The following DLGAP2 variants were observed in gnomAD, a reference collection of about 807,000 sequenced individuals.
DLGAP2 encodes disks large-associated protein 2.
Under a neutral mutation model 100.3 loss-of-function variants are expected in DLGAP2, and 26 were observed. The observed-to-expected ratio is 0.26, with a 90% CI of 0.19 to 0.36. The LOEUF (loss-of-function observed/expected upper bound fraction) is 0.36. DLGAP2 is among the 10% of genes least tolerant of loss of function. The pLI, the probability that DLGAP2 is intolerant of heterozygous loss-of-function variation, is 1.00. For missense variants in DLGAP2, 1,858 were observed against 1,453.2 expected (o/e 1.28, Z -4.53); for synonymous variants, 886 against 630.1 (o/e 1.41, Z -6.08).
intron 1 of DLGAP2, among the ~76,000 whole-genome samples, chr8:794,660 C>T (rs542647859): frequency 2.6e-5 from 4 of 152,226 alleles, no homozygotes; most frequent in African/African-American, 4.8e-5. Flanking sequence ...AAACCCACAA[C>T]CTTCCAGCTT....
chr8:1,210,599 T>C (rs1220298605), intron 2 of DLGAP2, among the ~76,000 whole-genome samples: 1 of 152,182 alleles, frequency 6.6e-6, no homozygotes, highest in Non-Finnish European at 1.5e-5. Context: ...AGGTGGGGTA[T>C]GGCATGGAGG....
chr8:869,123 ACG>A (rs1797551920), intron 1 of DLGAP2, among the ~76,000 whole-genome samples: 1 of 151,920 alleles, frequency 6.6e-6, no homozygotes. Flanking sequence ...ACCCTGCTTC[ACG>A]CCTCTCTTCT....
chr8:1,378,486 A>G (rs1796015097), intron 3 of DLGAP2, among the ~76,000 whole-genome samples: 1 of 149,984 alleles, frequency 6.7e-6, no homozygotes, highest in Non-Finnish European at 1.5e-5. Context: ...TCCTGCACAC[A>G]CCTGGCCTCA....
intron 8 of DLGAP2, among the ~76,000 whole-genome samples, chr8:1,658,818 G>A (rs1798343103): frequency 6.6e-6 from 1 of 151,974 alleles, no homozygotes; most frequent in South Asian, 2.1e-4. Context: ...GTTTTTTTGT[G>A]TCTCTATCTC....
chr8:1,383,123 A>G (rs758107427), intron 3 of DLGAP2, among the ~76,000 whole-genome samples: 2 of 152,248 alleles, frequency 1.3e-5, no homozygotes, highest in African/African-American at 4.8e-5. Context: ...GTGACATTGC[A>G]GGGATCATCC....
At chr8:1,558,741 T>C (rs1016650100) in intron 5 of DLGAP2, among the ~76,000 whole-genome samples, 1 of 150,780 alleles carries the variant, frequency 6.6e-6, no homozygotes, top group Non-Finnish European at 1.5e-5. Context: ...CATACACACA[T>C]AGGCATGCAT....
intron 1 of DLGAP2, among the ~76,000 whole-genome samples, chr8:772,662 C>G (rs1821396812): frequency 6.6e-6 from 1 of 152,200 alleles, no homozygotes; most frequent in South Asian, 2.1e-4. Context: ...GGTACTAAGT[C>G]TTCAAACTCT....
At chr8:1,275,728 A>AT (rs397759307) in intron 3 of DLGAP2, among the ~76,000 whole-genome samples, 3 of 135,108 alleles carry the variant, frequency 2.2e-5, no homozygotes, top group African/African-American at 2.7e-5. Context: ...ATATATATAT[A>AT]AAATATATGT....
At chr8:828,618 A>T (rs1200533323) in intron 1 of DLGAP2, among the ~76,000 whole-genome samples, 1 of 152,216 alleles carries the variant, frequency 6.6e-6, no homozygotes. Flanking sequence ...CTGAGACGAT[A>T]TGCATCCTTC....
chr8:1,256,564 G>T (rs919686534), intron 2 of DLGAP2, among the ~76,000 whole-genome samples: 39 of 151,070 alleles, frequency 2.6e-4, no homozygotes, highest in African/African-American at 8.8e-4. Context: ...GTCCTTTCCT[G>T]CCCGGGTGCT....
At position 1,330,910 on chromosome 8, in the gene DLGAP2, C is replaced by T. The variant is rs373169560; in HGVS notation, c.106+72027C>T. Among the ~76,000 whole-genome samples, 58 of 145,858 alleles carry T rather than the reference C, an allele frequency of 4.0e-4. 1 individual carries two copies. The South Asian group carries it at 9.4e-3, about 24-fold the overall frequency. ...GGGGACTGAGTTCTGTGTGGGAGCA[C>T]CACTTCATGGGGACTGAGTTCTGGG... On this transcript the variant is annotated intron_variant, in intron 3 of 14. Transcript: ENST00000637795.
intron 3 of DLGAP2, among the ~76,000 whole-genome samples, chr8:1,464,758 C>A (rs981679784): frequency 4.6e-5 from 7 of 152,220 alleles, no homozygotes; most frequent in African/African-American, 1.7e-4. Flanking sequence ...CTGCCTCACG[C>A]CTCACCGTCC....
intron 3 of DLGAP2, among the ~76,000 whole-genome samples, chr8:1,305,077 A>T (rs1203607663): frequency 1.3e-5 from 2 of 152,200 alleles, no homozygotes; most frequent in East Asian, 3.9e-4. Context: ...GACCCCAGGA[A>T]TCTCTCTCAG....
At chr8:1,692,390 T>G (rs1279401981) in intron 13 of DLGAP2, among the ~76,000 whole-genome samples, 7 of 83,148 alleles carry the variant, frequency 8.4e-5, no homozygotes, top group Non-Finnish European at 1.4e-4. Context: ...CGGCCCTGGT[T>G]TAAACGCGGT....
intron 2 of DLGAP2, among the ~76,000 whole-genome samples, chr8:1,041,085 C>T (rs752739344): frequency 6.6e-6 from 1 of 152,138 alleles, no homozygotes; most frequent in African/African-American, 2.4e-5. Flanking sequence ...AGACTGCTCT[C>T]CTCTTTCCTA....
intron 1 of DLGAP2, among the ~76,000 whole-genome samples, chr8:780,420 C>T (rs1443703709): frequency 6.6e-6 from 1 of 152,214 alleles, no homozygotes; most frequent in Non-Finnish European, 1.5e-5. Flanking sequence ...CATATCTTGT[C>T]CATTGTGAGT....
intron 2 of DLGAP2, among the ~76,000 whole-genome samples, chr8:984,629 C>T (rs1401860944): frequency 2.6e-5 from 4 of 152,218 alleles, no homozygotes; most frequent in Admixed American, 6.5e-5. Flanking sequence ...TCTCCAAGAA[C>T]AGCGGTGTAA....
chr8:1,614,877 A>G (rs984448222), intron 6 of DLGAP2, among the ~76,000 whole-genome samples: 2 of 152,194 alleles, frequency 1.3e-5, no homozygotes, highest in African/African-American at 4.8e-5. Flanking sequence ...ACACACACGC[A>G]TGCCCTCCTG....
At chr8:1,269,005 C>A (rs1309478401) in intron 3 of DLGAP2, among the ~76,000 whole-genome samples, 1 of 152,172 alleles carries the variant, frequency 6.6e-6, no homozygotes, top group South Asian at 2.1e-4. Flanking sequence ...TGAGATGAAT[C>A]TTGGAGGGAG....
Sources: allele counts gnomAD v4.1 joint callset (sites outside exome capture counted in the v4.1 genomes callset), GRCh38; gene constraint gnomAD v4.1.1; transcripts MANE v1.5; gene names NCBI Gene and HGNC (gene_info 2026-07-23, HGNC 2026-07-21).